Variants in LRRIQ3 observed in about 807,000 individuals in gnomAD.
LRRIQ3 encodes the protein leucine rich repeats and IQ motif containing 3, also known as leucine-rich repeat and IQ domain-containing protein 3.
In LRRIQ3, 75 loss-of-function variants were observed where a neutral mutation model predicts 59.3. That is an observed-to-expected ratio of 1.26 (90% CI 1.05 to 1.53). The LOEUF (loss-of-function observed/expected upper bound fraction) is 1.53. Among genes scored for constraint, LRRIQ3 ranks in the 40% most tolerant of loss-of-function variants. LRRIQ3 has a pLI of 0.00. For missense variants in LRRIQ3, 831 were observed against 710.0 expected (o/e 1.17, Z -1.94); for synonymous variants, 250 against 231.3 (o/e 1.08, Z -0.73).
intron 5 of LRRIQ3, among the ~76,000 whole-genome samples, chr1:74,087,318 T>C (rs1264172666): frequency 6.6e-6 from 1 of 151,526 alleles, no homozygotes; most frequent in Non-Finnish European, 1.5e-5. Flanking sequence ...TTTGATCATA[T>C]AGTTTTCTTA....
chr1:74,184,361 A>T (rs1391056856), intron 1 of LRRIQ3, among the ~76,000 whole-genome samples: 1 of 152,118 alleles, frequency 6.6e-6, no homozygotes, highest in African/African-American at 2.4e-5. Flanking sequence ...ATATATGTGA[A>T]TTTTCACTTA....
At chr1:74,154,341 T>C (rs1432008063) in intron 4 of LRRIQ3, among the ~76,000 whole-genome samples, 3 of 144,736 alleles carry the variant, frequency 2.1e-5, no homozygotes, top group Non-Finnish European at 3.0e-5. Flanking sequence ...TTCCCACAAA[T>C]AGAAATAAGT....
rs921405844 is a variant in LRRIQ3, at chr1:74,153,105, CT to C, written c.707+2627del. On this transcript the variant is annotated intron_variant, in intron 4 of 7. Transcript: ENST00000354431. ...TCCTATATTTTTTCCATTCTTTTTC[CT>C]TTTTTACAACCCATCAAGACAACCA... Among the ~76,000 whole-genome samples the C allele has an allele frequency of 1.4e-4, 22 of 151,820 alleles. No individual in the cohort carries two copies. In the South Asian group the frequency reaches 1.5e-3, roughly 10 times the overall value.
At chr1:74,170,114 C>T (rs12045131) in intron 3 of LRRIQ3, among the ~76,000 whole-genome samples, 1 of 152,040 alleles carries the variant, frequency 6.6e-6, no homozygotes, top group Non-Finnish European at 1.5e-5. Context: ...ATATTTTCTC[C>T]TAGTCTATAA....
At chr1:74,092,027 G>T (rs188584447) in intron 5 of LRRIQ3, among the ~76,000 whole-genome samples, 75 of 152,174 alleles carry the variant, frequency 4.9e-4, no homozygotes, top group Non-Finnish European at 9.0e-4. Context: ...TCTAGCCAAA[G>T]ATATATTGTG....
intron 5 of LRRIQ3, among the ~76,000 whole-genome samples, chr1:74,097,227 G>A (rs1646462240): frequency 6.6e-6 from 1 of 152,098 alleles, no homozygotes; most frequent in South Asian, 2.1e-4. Flanking sequence ...TGACCTGATG[G>A]AGCTGAAAAC....
At chr1:74,069,786 T>C (rs758504003) in intron 6 of LRRIQ3, among the ~76,000 whole-genome samples, 1 of 152,056 alleles carries the variant, frequency 6.6e-6, no homozygotes, top group Non-Finnish European at 1.5e-5. Flanking sequence ...AATTGTAATA[T>C]CATCCTTACA....
At chr1:74,101,955 T>A (rs1646539996) in intron 5 of LRRIQ3, among the ~76,000 whole-genome samples, 1 of 151,752 alleles carries the variant, frequency 6.6e-6, no homozygotes, top group Non-Finnish European at 1.5e-5. Context: ...ATATACCTAA[T>A]GTAAATGATG....
chr1:74,110,536 A>T (rs1426133846), intron 4 of LRRIQ3, among the ~76,000 whole-genome samples: 1 of 152,094 alleles, frequency 6.6e-6, no homozygotes, highest in Admixed American at 6.6e-5. Context: ...AACCACATCA[A>T]TATCACGGAG....
chr1:74,099,729 C>T (rs1646503355), intron 5 of LRRIQ3, among the ~76,000 whole-genome samples: 1 of 152,136 alleles, frequency 6.6e-6, no homozygotes, highest in Non-Finnish European at 1.5e-5. Flanking sequence ...TGCTTCATCC[C>T]TGGGATGCAA....
At chr1:74,124,676 T>C (rs1024519207) in intron 4 of LRRIQ3, among the ~76,000 whole-genome samples, 1 of 152,006 alleles carries the variant, frequency 6.6e-6, no homozygotes, top group Admixed American at 6.6e-5. Context: ...TGTAGATATA[T>C]AGATTTGGTT....
chr1:74,183,775 G>T, intron 1 of LRRIQ3, 91 bp from the exon 2 acceptor site: 1 of 1,082,890 alleles, frequency 9.2e-7, no homozygotes, highest in Non-Finnish European at 1.3e-6. Context: ...GATAGCGCAA[G>T]TAAAAAGTGT....
chr1:74,195,740 T>C (rs1405697375), intron 1 of LRRIQ3, among the ~76,000 whole-genome samples: 1 of 152,204 alleles, frequency 6.6e-6, no homozygotes, highest in African/African-American at 2.4e-5. Flanking sequence ...TGTGTTTGAT[T>C]TGTGCAGAAT....
chr1:74,038,182 C>A (rs763673353), intron 7 of LRRIQ3, among the ~76,000 whole-genome samples: 25 of 152,290 alleles, frequency 1.6e-4, no homozygotes, highest in African/African-American at 5.8e-4. Context: ...CCCAACACAC[C>A]GGCTGTGGCA....
chr1:74,044,601 G>T (rs1570018197), intron 6 of LRRIQ3, among the ~76,000 whole-genome samples: 1 of 151,976 alleles, frequency 6.6e-6, no homozygotes, highest in African/African-American at 2.4e-5. Context: ...CAGAAGACAA[G>T]AAATAACTAA....
intron 4 of LRRIQ3, among the ~76,000 whole-genome samples, chr1:74,115,538 T>A (rs992990283): frequency 9.9e-5 from 15 of 151,964 alleles, no homozygotes; most frequent in Non-Finnish European, 2.9e-5. Flanking sequence ...CAAAATAAAA[T>A]GGGGTGTTTG....
intron 5 of LRRIQ3, among the ~76,000 whole-genome samples, chr1:74,085,625 A>T (rs890364021): frequency 6.6e-6 from 1 of 151,940 alleles, no homozygotes; most frequent in Non-Finnish European, 1.5e-5. Context: ...GGAATAAATT[A>T]TTCCAAAATA....
intron 5 of LRRIQ3, among the ~76,000 whole-genome samples, chr1:74,090,064 C>A (rs1557609781): frequency 6.6e-6 from 1 of 151,802 alleles, no homozygotes; most frequent in Non-Finnish European, 1.5e-5. Flanking sequence ...TAAAAAGAAG[C>A]CAAGTAAATA....
intron 4 of LRRIQ3, among the ~76,000 whole-genome samples, chr1:74,115,138 C>A (rs1278052751): frequency 1.3e-5 from 2 of 151,930 alleles, no homozygotes; most frequent in East Asian, 3.9e-4. Context: ...TAATTTTTAT[C>A]TCAGAAGAAG....
Sources: allele counts gnomAD v4.1 joint callset (sites outside exome capture counted in the v4.1 genomes callset), GRCh38; gene constraint gnomAD v4.1.1; transcripts MANE v1.5; gene names NCBI Gene and HGNC (gene_info 2026-07-23, HGNC 2026-07-21).